RAD52: variants seen among roughly 807,000 people sequenced by gnomAD.
RAD52 encodes DNA repair protein RAD52 homolog.
In RAD52, 47 loss-of-function variants were observed where a neutral mutation model predicts 55.5. That is an observed-to-expected ratio of 0.85 (90% CI 0.67 to 1.08). The LOEUF (loss-of-function observed/expected upper bound fraction) is 1.08, where lower values mean the gene tolerates loss of function less well. Among genes scored for constraint, RAD52 ranks in the 50% least tolerant of loss-of-function variants. The pLI is 0.00. For missense variants in RAD52, 468 were observed against 522.8 expected (o/e 0.90, Z 1.02); for synonymous variants, 184 against 198.9 (o/e 0.92, Z 0.63).
rs60090525 is a variant in RAD52, at chr12:912,722, C to CAAAAAAAAAAAA, written c.*657_*668dup. The CAAAAAAAAAAAA allele has an allele frequency of 4.8e-4, 35 of 73,148 alleles. No homozygotes were observed. The highest frequency in any genetic ancestry group is 1.9e-3 in the East Asian group (5 of 2,594). 4.5% of individuals were successfully genotyped at this position (73,148 alleles called of 1,614,324 possible). ...AGGGCAACACAGCCAGACCCCGTCTCAAAAAAAAAAAAAAAAAAAAAAACA... is the reference window on the plus strand; with the variant it reads ...AGGGCAACACAGCCAGACCCCGTCTCAAAAAAAAAAAAAAAAAAAAAAAAAAAAAAAAAAACA... On this transcript the variant is annotated 3_prime_UTR_variant, in exon 12 of 12. Coordinates refer to ENST00000358495, the MANE Select transcript of RAD52 (RefSeq NM_134424.4).
chr12:983,739 T>C (rs1263648415), intron 1 of RAD52, among the ~76,000 whole-genome samples: 1 of 152,160 alleles, frequency 6.6e-6, no homozygotes, highest in Non-Finnish European at 1.5e-5. Context: ...TTCTTGGATC[T>C]GCACAGGACC....
intron 1 of RAD52, among the ~76,000 whole-genome samples, chr12:980,340 C>T (rs1191039419): frequency 6.7e-6 from 1 of 150,222 alleles, no homozygotes; most frequent in East Asian, 2.0e-4. Context: ...GTCCCCCAGG[C>T]TGGAGTACAA....
At chr12:968,385 G>A (rs1007116303) in intron 1 of RAD52, among the ~76,000 whole-genome samples, 1 of 151,992 alleles carries the variant, frequency 6.6e-6, no homozygotes, top group African/African-American at 2.4e-5. Flanking sequence ...CACTAGATAA[G>A]GCAGAATGGG....
chr12:920,134 T>TG (rs1363849561), intron 7 of RAD52, among the ~76,000 whole-genome samples: 1 of 110,622 alleles, frequency 9.0e-6, no homozygotes, highest in Non-Finnish European at 1.9e-5. Context: ...GGAGAACTGC[T>TG]TGAACCCAGG....
At chr12:943,440 T>C (rs985042489) in intron 1 of RAD52, among the ~76,000 whole-genome samples, 1 of 152,180 alleles carries the variant, frequency 6.6e-6, no homozygotes, top group Non-Finnish European at 1.5e-5. Context: ...TCTTCCTGAC[T>C]GAAGCAATTC....
intron 1 of RAD52, among the ~76,000 whole-genome samples, chr12:939,980 C>G (rs577137664): frequency 1.9e-4 from 29 of 152,026 alleles, no homozygotes; most frequent in African/African-American, 7.0e-4. Context: ...GAGGCTGAGG[C>G]AGGAGAATCA....
At chr12:922,815 G>C (rs1045697657) in intron 7 of RAD52, among the ~76,000 whole-genome samples, 1 of 151,838 alleles carries the variant, frequency 6.6e-6, no homozygotes, top group African/African-American at 2.4e-5. Context: ...ACACAAAAAA[G>C]TATTTTATTT....
At chr12:989,849 G>A (rs910573898) in exon 1 of RAD52, 1 of 152,196 alleles carries the variant, frequency 6.6e-6, no homozygotes, top group Non-Finnish European at 1.5e-5. Context: ...GGCAGATCAC[G>A]AGTCAGATGA....
At chr12:960,653 A>G (rs1009557987) in intron 1 of RAD52, among the ~76,000 whole-genome samples, 1 of 152,130 alleles carries the variant, frequency 6.6e-6, no homozygotes, top group Non-Finnish European at 1.5e-5. Flanking sequence ...GTTTGTAAAG[A>G]CAGGGTCTTG....
At chr12:957,177 G>T (rs1958617693) in intron 1 of RAD52, among the ~76,000 whole-genome samples, 1 of 152,132 alleles carries the variant, frequency 6.6e-6, no homozygotes, top group South Asian at 2.1e-4. Context: ...CCATTTTGAG[G>T]CTGGGTGCAG....
At chr12:978,238 A>G (rs1243290367) in intron 1 of RAD52, among the ~76,000 whole-genome samples, 1 of 151,940 alleles carries the variant, frequency 6.6e-6, no homozygotes, top group Non-Finnish European at 1.5e-5. Flanking sequence ...TATTTTTAGT[A>G]GACACAGGGT....
intron 1 of RAD52, among the ~76,000 whole-genome samples, chr12:956,902 G>A (rs1958614682): frequency 6.6e-6 from 1 of 152,170 alleles, no homozygotes; most frequent in African/African-American, 2.4e-5. Flanking sequence ...AGAGTTGTGG[G>A]AAGATTAGAT....
At chr12:945,790 C>T (rs147560086) in intron 1 of RAD52, among the ~76,000 whole-genome samples, 26,167 of 148,786 alleles carry the variant, frequency 0.18, 2,301 homozygotes, top group South Asian at 0.23. Flanking sequence ...TTTGGGAGGC[C>T]GAGGCAGGCA....
intron 5 of RAD52, among the ~76,000 whole-genome samples, chr12:928,524 A>T (rs1311548662): frequency 6.6e-6 from 1 of 152,196 alleles, no homozygotes; most frequent in African/African-American, 2.4e-5. Context: ...TCTCAAAAAA[A>T]AAAAAGAAGT....
intron 1 of RAD52, among the ~76,000 whole-genome samples, chr12:969,483 T>G (rs975584797): frequency 5.9e-5 from 9 of 152,014 alleles, no homozygotes; most frequent in African/African-American, 2.2e-4. Context: ...TGACCATAGT[T>G]GTTCTCATTA....
intron 1 of RAD52, among the ~76,000 whole-genome samples, chr12:981,172 A>G (rs2154121871): frequency 6.6e-6 from 1 of 151,996 alleles, no homozygotes; most frequent in East Asian, 1.9e-4. Context: ...CTCTACCAAA[A>G]AAAAAAAAAA....
intron 1 of RAD52, among the ~76,000 whole-genome samples, chr12:943,090 C>T (rs757918836): frequency 3.3e-5 from 5 of 152,172 alleles, no homozygotes; most frequent in Admixed American, 6.6e-5. Flanking sequence ...GTGCTAAACA[C>T]CATTAGTGAC....
intron 1 of RAD52, among the ~76,000 whole-genome samples, chr12:959,673 A>T (rs1035495488): frequency 2.6e-5 from 4 of 152,216 alleles, no homozygotes; most frequent in Non-Finnish European, 5.9e-5. Flanking sequence ...GTGCTCCACT[A>T]GGGAAATGTG....
At chr12:950,546 T>C (rs1465754077), upstream of RAD52, among the ~76,000 whole-genome samples, 2 of 130,800 alleles carry the variant, frequency 1.5e-5, no homozygotes, top group Non-Finnish European at 3.1e-5. Flanking sequence ...CACTCCAGCC[T>C]GGGCGACAGA....
Sources: gnomAD v4.1 joint callset for allele counts (sites outside exome capture counted in the v4.1 genomes callset) on GRCh38, gnomAD v4.1.1 for gene constraint, MANE v1.5 for transcripts, NCBI Gene and HGNC (gene_info 2026-07-23, HGNC 2026-07-21) for gene names.